The following SPAG7 variants were observed in gnomAD, a reference collection of about 807,000 sequenced individuals.
SPAG7 encodes the protein sperm associated antigen 7, also known as sperm-associated antigen 7.
SPAG7 carries 20 observed loss-of-function variants against 30.6 expected under a neutral mutation model. The observed-to-expected ratio is 0.65, with a 90% CI of 0.46 to 0.95. SPAG7 has a LOEUF of 0.95. Among genes scored for constraint, SPAG7 ranks in the 40% least tolerant of loss-of-function variants. The pLI is 0.00. For synonymous variants in SPAG7, 127 were observed against 104.2 expected, an observed-to-expected ratio of 1.22 and a Z score of -1.33; for missense variants, 276 against 291.1, an observed-to-expected ratio of 0.95 and a Z score of 0.38.
Position 4,959,574 on chromosome 17 carries a change from C to A in SPAG7, c.644G>T (p.Arg215Leu). 1 of 1,614,062 alleles carries A rather than the reference C, an allele frequency of 6.2e-7. No individual in the cohort carries two copies. The highest frequency in any genetic ancestry group is 8.5e-7 in the Non-Finnish European group (1 of 1,180,026). Residue 215 changes from arginine (R) to leucine (L), a missense_variant, in exon 7 of 7, where the codon CGT (arginine) becomes CTT (leucine). By Grantham distance (102) the Arg-to-Leu change is moderately radical. Transcript: ENST00000206020. ...EAMNEIRAKKRLRQSGEELPP... is the reference protein window; with the variant it reads ...EAMNEIRAKKLLRQSGEELPP... ...CAACTCTTCCCCACTCTGCCGCAGA[C>A]GCTTCTTGGCTCTGATCTCATTCAT...
At chr17:4,962,826 G>C (rs1307327896) in intron 1 of SPAG7, among the ~76,000 whole-genome samples, 1 of 151,908 alleles carries the variant, frequency 6.6e-6, no homozygotes, top group African/African-American at 2.4e-5. Context: ...AGGATTACAA[G>C]TGTGGGCCCA....
intron 3 of SPAG7, 52 bp from the exon 4 acceptor site, chr17:4,960,370 A>G (rs1971841607): frequency 1.2e-6 from 2 of 1,603,048 alleles, no homozygotes; most frequent in East Asian, 2.2e-5. Context: ...GAGCGGGCCT[A>G]GTGCCCTCCT....
At chr17:4,961,617 T>A (rs1971865084) in intron 1 of SPAG7, among the ~76,000 whole-genome samples, 1 of 146,630 alleles carries the variant, frequency 6.8e-6, no homozygotes, top group South Asian at 2.2e-4. Flanking sequence ...TACAAAAAAT[T>A]AGCTGGGTGT....
At position 4,959,522 on chromosome 17, in the gene SPAG7, T is replaced by C. The variant is rs201362873; in HGVS notation, c.*12A>G. ...CCCTGCCCCAGGGGTCAAAGGGAGC[T>C]GGGCGGGGCGCCTAGGAGGTTGGCG... is the stretch of plus-strand genomic sequence containing the variant. On this transcript the variant is annotated 3_prime_UTR_variant, in exon 7 of 7. Coordinates refer to ENST00000206020, the MANE Select transcript of SPAG7 (RefSeq NM_004890.3). 9.3e-6 allele frequency: 15 copies of C among 1,608,454 alleles called. No individual in the cohort carries two copies. The highest frequency in any genetic ancestry group is 8.3e-5 in the Admixed American group (5 of 59,978).
intron 3 of SPAG7, 45 bp from the exon 4 acceptor site, chr17:4,960,363 C>T (rs370861628): frequency 1.2e-5 from 19 of 1,606,056 alleles, no homozygotes; most frequent in Admixed American, 1.7e-5. Flanking sequence ...GAGCCAGGAG[C>T]GGGCCTAGTG....
rs770240336 is a variant in SPAG7, at chr17:4,960,168, T to G, written c.328-57A>C. On this transcript the variant is annotated intron_variant, in intron 4 of 6. Transcript: ENST00000206020. ...CCATACAAATGTTTCATTTCATTCC[T>G]TGGTCGGGGAGGGGGGATAAGGCTA... 3.1e-6 allele frequency: 5 copies of G among 1,604,188 alleles called. No individual in the cohort carries two copies. The South Asian group carries it at 5.5e-5, about 18-fold the overall frequency.
intron 1 of SPAG7, among the ~76,000 whole-genome samples, chr17:4,965,554 T>C (rs759885509): frequency 4.6e-5 from 7 of 152,082 alleles, no homozygotes; most frequent in African/African-American, 1.7e-4. Context: ...TATGAGCTCC[T>C]GGAGGGCAGG....
chr17:4,964,897 G>A (rs1971924479), intron 1 of SPAG7, among the ~76,000 whole-genome samples: 3 of 151,630 alleles, frequency 2.0e-5, no homozygotes, highest in Admixed American at 2.0e-4. Context: ...CACCACACCC[G>A]GCTAATTTTT....
In SPAG7 at chr17:4,967,745, G is replaced by C. The variant is rs767825449; in HGVS notation, c.60C>G (p.Asp20Glu). ...CTCGGGCCTTGCGCCGAGTCTCCTG[G>C]TCACCGAGGCTGGGTGGCTTCTCCA... ...SSMEKPPSLG[D>E]QETRRKAREQ... Residue 20 changes from aspartate (D) to glutamate (E), a missense_variant, in exon 1 of 7, where the codon GAC (aspartate) becomes GAG (glutamate). Coordinates refer to ENST00000206020, the MANE Select transcript of SPAG7 (RefSeq NM_004890.3). 6.2e-7 allele frequency: 1 copy of C among 1,613,956 alleles called. No individual in the cohort carries two copies. The highest frequency in any genetic ancestry group is 8.5e-7 in the Non-Finnish European group (1 of 1,179,968).
chr17:4,967,201 G>C, intron 1 of SPAG7: 1 of 990,110 alleles, frequency 1.0e-6, no homozygotes, highest in South Asian at 4.4e-5. Flanking sequence ...AAGGGACTGG[G>C]TTAAATTAAG....
Position 4,967,725 on chromosome 17 carries a change from G to T in SPAG7, c.80C>A (p.Ala27Asp). 2 of 1,613,190 alleles carry T rather than the reference G, an allele frequency of 1.2e-6. No individual in the cohort carries two copies. Among genetic ancestry groups the T allele is most frequent in the Non-Finnish European group, 8.5e-7 (1 of 1,179,144 alleles). Residue 27 changes from alanine (A) to aspartate (D), a missense_variant, in exon 1 of 7, where the codon GCC (alanine) becomes GAC (aspartate). By Grantham distance (126) the Ala-to-Asp change is moderately radical. Coordinates refer to ENST00000206020, the MANE Select transcript of SPAG7 (RefSeq NM_004890.3). Reference protein sequence around the residue: ...SLGDQETRRKAREQAARLKKL... With the variant: ...SLGDQETRRKDREQAARLKKL... ...TGTGAATTTGGGATCCTCACCTCGG[G>T]CCTTGCGCCGAGTCTCCTGGTCACC...
At chr17:4,959,723 C>A (rs1487514129) in intron 6 of SPAG7, 37 bp downstream of exon 6, 1 of 1,614,116 alleles carries the variant, frequency 6.2e-7, no homozygotes, top group Non-Finnish European at 8.5e-7. Flanking sequence ...ATCCTATGCT[C>A]CTCTCCCAGC....
At chr17:4,964,737 C>CATTT (rs1337894961) in intron 1 of SPAG7, among the ~76,000 whole-genome samples, 2 of 150,106 alleles carry the variant, frequency 1.3e-5, no homozygotes, top group Non-Finnish European at 3.0e-5. Context: ...CTCTCCCCAT[C>CATTT]ATTTATTTAT....
chr17:4,961,034 G>C (rs1156498246), intron 1 of SPAG7, among the ~76,000 whole-genome samples, 181 bp from the exon 2 acceptor site: 1 of 152,094 alleles, frequency 6.6e-6, no homozygotes, highest in Non-Finnish European at 1.5e-5. Flanking sequence ...TTATCCACAG[G>C]GGTTCATTCC....
intron 1 of SPAG7, among the ~76,000 whole-genome samples, chr17:4,962,857 T>C (rs1971886109): frequency 6.6e-6 from 1 of 151,800 alleles, no homozygotes; most frequent in African/African-American, 2.4e-5. Context: ...GAACTCGGCT[T>C]CAAATAACCC....
In SPAG7 at chr17:4,959,922, G is replaced by A. The variant is rs769403791; in HGVS notation, c.418-6C>T. 6.2e-7 allele frequency: 1 copy of A among 1,612,968 alleles called. No individual in the cohort carries two copies. Among genetic ancestry groups the A allele is most frequent in the African/African-American group, 1.3e-5 (1 of 75,052 alleles). On this transcript the variant is annotated splice_polypyrimidine_tract_variant and splice_region_variant and intron_variant, in intron 5 of 6. Coordinates refer to ENST00000206020, the MANE Select transcript of SPAG7 (RefSeq NM_004890.3). ...TCTTGCCTCTGGGCCAGCTCCTAGGGGTGAAAGTGGGGGCACTGGTGCTCA... is the reference window on the plus strand; with the variant it reads ...TCTTGCCTCTGGGCCAGCTCCTAGGAGTGAAAGTGGGGGCACTGGTGCTCA...
In SPAG7 at chr17:4,959,621, G is replaced by A. The variant is rs1971825007; in HGVS notation, c.597C>T (p.Asp199=). ...YGCVPVANKR[D]TRSIEEAMNE... ...TCATAGCCTCTTCAATGGAGCGTGT[G>A]TCCCTCTTATTGGCCACGGGCACTA... is the stretch of plus-strand genomic sequence containing the variant. The change falls in exon 7 of 7, where the codon GAC becomes GAT. Residue 199 remains aspartate, a synonymous_variant. Coordinates refer to ENST00000206020, the MANE Select transcript of SPAG7 (RefSeq NM_004890.3). 6.2e-7 allele frequency: 1 copy of A among 1,613,988 alleles called. No individual in the cohort carries two copies. Among genetic ancestry groups the A allele is most frequent in the Non-Finnish European group, 8.5e-7 (1 of 1,180,012 alleles).
chr17:4,967,673 C>A lies in SPAG7; in HGVS notation c.85+47G>T, dbSNP rs1251242308. The A allele has an allele frequency of 4.9e-6, 7 of 1,441,194 alleles. No homozygotes were observed. The South Asian group carries it at 8.0e-5, about 17-fold the overall frequency. 89.3% of individuals were successfully genotyped at this position (1,441,194 alleles called of 1,614,324 possible). A position where few individuals can be genotyped will look rare whatever the true frequency, so the allele number is the denominator to read the frequency against. Reference sequence around the variant, plus strand: ...TCGTCCAAAGAGGGAGAAGTATGGTCCCGAGAACCGGGCGAAGGAAGGCGG... The same window carrying A: ...TCGTCCAAAGAGGGAGAAGTATGGTACCGAGAACCGGGCGAAGGAAGGCGG... On this transcript the variant is annotated intron_variant, in intron 1 of 6. Transcript: ENST00000206020.
At chr17:4,959,697 A>G (rs780418440) in intron 6 of SPAG7, 54 bp from the exon 7 acceptor site, 1 of 1,613,378 alleles carries the variant, frequency 6.2e-7, no homozygotes, top group South Asian at 1.1e-5. Context: ...CTCAGCCTCC[A>G]CTGCCCTCCT....
Sources: allele counts gnomAD v4.1 joint callset (sites outside exome capture counted in the v4.1 genomes callset), GRCh38; gene constraint gnomAD v4.1.1; transcripts MANE v1.5; gene names NCBI Gene and HGNC (gene_info 2026-07-23, HGNC 2026-07-21).